Variants in FOXP2 observed in about 807,000 individuals in gnomAD.
The protein encoded by FOXP2 is forkhead box protein P2.
FOXP2 carries 12 observed loss-of-function variants against 115.8 expected under a neutral mutation model. The observed-to-expected ratio is 0.10, with a 90% CI of 0.07 to 0.17. The LOEUF (loss-of-function observed/expected upper bound fraction) is 0.17. Ranked by LOEUF, FOXP2 falls within the 10% of genes least tolerant of loss-of-function variation. FOXP2 has a pLI of 1.00. For synonymous variants in FOXP2, 328 were observed against 297.7 expected, an observed-to-expected ratio of 1.10 and a Z score of -1.05; for missense variants, 629 against 843.5, an observed-to-expected ratio of 0.75 and a Z score of 3.15.
At chr7:114,133,078 A>G (rs1020643156) in intron 1 of FOXP2, among the ~76,000 whole-genome samples, 2 of 152,224 alleles carry the variant, frequency 1.3e-5, no homozygotes, top group Non-Finnish European at 2.9e-5. Flanking sequence ...AAACAAGAGT[A>G]GTAATAGTAA....
At position 114,221,755 on chromosome 7, in the gene FOXP2, CTT is replaced by C. The variant is rs1379642786; in HGVS notation, c.-102+58670_-102+58671del. 3.3e-5 allele frequency among the ~76,000 whole-genome samples: 5 copies of C among 152,312 alleles called. No homozygotes were observed. In the East Asian group the frequency reaches 9.7e-4, roughly 29 times the overall value. On this transcript the variant is annotated intron_variant, in intron 1 of 17. Coordinates refer to the FOXP2 transcript ENST00000634411. ...TAATTTGTGTGCATGATAATGAAGA[CTT>C]TTAAACTGAATGACTTGAAATATCT... is the stretch of plus-strand genomic sequence containing the variant.
intron 2 of FOXP2, among the ~76,000 whole-genome samples, chr7:114,522,244 T>C (rs1290182990): frequency 1.3e-5 from 2 of 152,192 alleles, no homozygotes; most frequent in East Asian, 1.9e-4. Context: ...TGGGATTTTA[T>C]ATGTGTCTTC....
chr7:114,507,865 T>G (rs1222795132), intron 2 of FOXP2, among the ~76,000 whole-genome samples: 1 of 151,964 alleles, frequency 6.6e-6, no homozygotes, highest in African/African-American at 2.4e-5. Context: ...AATATAGTCA[T>G]GTTTGTTAGT....
intron 2 of FOXP2, among the ~76,000 whole-genome samples, chr7:114,528,570 A>G (rs751213287): frequency 6.6e-6 from 1 of 152,050 alleles, no homozygotes; most frequent in African/African-American, 2.4e-5. Flanking sequence ...CCCAAATGCT[A>G]CTTCTCCTAC....
chr7:114,573,507 A>G (rs968639270), intron 3 of FOXP2, among the ~76,000 whole-genome samples: 2 of 151,772 alleles, frequency 1.3e-5, no homozygotes, highest in Non-Finnish European at 1.5e-5. Flanking sequence ...AGCCTGCCAT[A>G]TGTTTTCATC....
chr7:114,423,485 TG>T (rs1175165130), intron 1 of FOXP2, among the ~76,000 whole-genome samples: 1 of 151,700 alleles, frequency 6.6e-6, no homozygotes, highest in African/African-American at 2.4e-5. Context: ...TGAAAAGTTG[TG>T]TACGATGAAA....
At chr7:114,228,979 C>T (rs959457922) in intron 1 of FOXP2, among the ~76,000 whole-genome samples, 4 of 151,152 alleles carry the variant, frequency 2.6e-5, no homozygotes, top group Admixed American at 6.6e-5. Flanking sequence ...AAAACAATAG[C>T]CAACTATAAA....
intron 1 of FOXP2, among the ~76,000 whole-genome samples, chr7:114,126,768 T>A (rs1017858066): frequency 1.3e-5 from 2 of 152,196 alleles, no homozygotes; most frequent in East Asian, 3.8e-4. Flanking sequence ...CATATATTCC[T>A]ACCTGTGTCA....
intron 2 of FOXP2, among the ~76,000 whole-genome samples, chr7:114,292,504 ACT>A (rs907281254): frequency 6.6e-6 from 1 of 151,654 alleles, no homozygotes; most frequent in Admixed American, 6.6e-5. Flanking sequence ...TTTTCTCTTT[ACT>A]CTGATATGTA....
chr7:114,607,452 A>G (rs1356066860), intron 3 of FOXP2, among the ~76,000 whole-genome samples: 3 of 152,200 alleles, frequency 2.0e-5, no homozygotes, highest in African/African-American at 7.2e-5. Context: ...AAAGAGACCT[A>G]TAAGATCAGA....
intron 1 of FOXP2, among the ~76,000 whole-genome samples, chr7:114,274,931 A>G (rs1796152484): frequency 6.6e-6 from 1 of 152,064 alleles, no homozygotes; most frequent in South Asian, 2.1e-4. Context: ...ATGGGATTGC[A>G]GGCTACCATG....
At chr7:114,329,969 C>G (rs1562873637) in intron 2 of FOXP2, among the ~76,000 whole-genome samples, 1 of 152,214 alleles carries the variant, frequency 6.6e-6, no homozygotes, top group African/African-American at 2.4e-5. Context: ...GCCACTGCCA[C>G]AGCCAATTAC....
At chr7:114,347,324 A>G (rs564133919) in intron 2 of FOXP2, among the ~76,000 whole-genome samples, 47 of 152,134 alleles carry the variant, frequency 3.1e-4, no homozygotes, top group African/African-American at 9.9e-4. Flanking sequence ...GCACACATAT[A>G]GATACATATA....
intron 1 of FOXP2, among the ~76,000 whole-genome samples, chr7:114,190,642 TA>T (rs1299088915): frequency 6.6e-6 from 1 of 152,180 alleles, no homozygotes; most frequent in Non-Finnish European, 1.5e-5. Context: ...AGAGAAACCT[TA>T]AAACATGCCT....
intron 16 of FOXP2, among the ~76,000 whole-genome samples, chr7:114,675,322 A>G (rs886590894): frequency 1.3e-5 from 2 of 152,194 alleles, no homozygotes; most frequent in African/African-American, 2.4e-5. Flanking sequence ...CTTTGAAAAA[A>G]AAAATACTTT....
At chr7:114,230,673 C>G (rs948541027) in intron 1 of FOXP2, among the ~76,000 whole-genome samples, 2 of 151,786 alleles carry the variant, frequency 1.3e-5, no homozygotes, top group Admixed American at 6.6e-5. Flanking sequence ...ATTTAACACC[C>G]TTTTACAATA....
intron 3 of FOXP2, among the ~76,000 whole-genome samples, chr7:114,548,607 G>A (rs1232759275): frequency 6.6e-6 from 1 of 152,188 alleles, no homozygotes; most frequent in African/African-American, 2.4e-5. Context: ...CTAAAGTTCA[G>A]TGGGTTATAG....
chr7:114,669,294 C>G (rs1257545415), intron 16 of FOXP2: 1 of 151,874 alleles, frequency 6.6e-6, no homozygotes, highest in Non-Finnish European at 1.5e-5. Context: ...TAAAGCCAGG[C>G]GACATTGTAT....
At chr7:114,533,786 A>G (rs1435042553) in intron 2 of FOXP2, among the ~76,000 whole-genome samples, 2 of 151,932 alleles carry the variant, frequency 1.3e-5, no homozygotes, top group Admixed American at 6.6e-5. Flanking sequence ...AGAAGAATTT[A>G]CTATGCATTT....
Sources: allele counts gnomAD v4.1 joint callset (sites outside exome capture counted in the v4.1 genomes callset), GRCh38; gene constraint gnomAD v4.1.1; transcripts MANE v1.5; gene names NCBI Gene and HGNC (gene_info 2026-07-23, HGNC 2026-07-21).